Variants in TSPAN8 observed in about 807,000 individuals in gnomAD.
The protein encoded by TSPAN8 is tetraspanin-8.
In TSPAN8, 21 loss-of-function variants were observed where a neutral mutation model predicts 32.8. That is an observed-to-expected ratio of 0.64 (90% CI 0.45 to 0.92). The LOEUF (loss-of-function observed/expected upper bound fraction) is 0.92, where lower values mean the gene tolerates loss of function less well. Among genes scored for constraint, TSPAN8 ranks in the 40% least tolerant of loss-of-function variants. TSPAN8 has a pLI of 0.00. For missense variants in TSPAN8, 269 were observed against 281.9 expected (o/e 0.95, Z 0.33); for synonymous variants, 95 against 94.6 (o/e 1.00, Z -0.03).
At position 71,144,957 on chromosome 12, in the gene TSPAN8, TA is replaced by T. The variant is rs537190954; in HGVS notation, c.61-745del. Among the ~76,000 whole-genome samples, 35 of 148,926 alleles carry T rather than the reference TA, an allele frequency of 2.4e-4. 1 individual carries two copies. The Middle Eastern group carries it at 0.01, about 44-fold the overall frequency. ...AGGAAAACTCTTGTCATTCAGGGTT[TA>T]AAAAAAAAAGTTATGCATTGTGGCT... is the stretch of plus-strand genomic sequence containing the variant. On this transcript the variant is annotated intron_variant, in intron 2 of 8. Coordinates refer to ENST00000247829, the MANE Select transcript of TSPAN8 (RefSeq NM_004616.3).
intron 3 of TSPAN8, among the ~76,000 whole-genome samples, chr12:71,143,288 A>G (rs948717910): frequency 6.6e-6 from 1 of 152,178 alleles, no homozygotes; most frequent in Non-Finnish European, 1.5e-5. Flanking sequence ...AAATGGTGCC[A>G]GGGTGGTATT....
chr12:71,138,770 C>T, intron 4 of TSPAN8, among the ~76,000 whole-genome samples: 1 of 152,188 alleles, frequency 6.6e-6, no homozygotes, highest in South Asian at 2.1e-4. Flanking sequence ...CAAATGAGGC[C>T]TTATTGTTCA....
intron 6 of TSPAN8, among the ~76,000 whole-genome samples, chr12:71,134,661 T>C (rs557218231): frequency 6.6e-6 from 1 of 152,324 alleles, no homozygotes; most frequent in South Asian, 2.1e-4. Flanking sequence ...GATTACATAA[T>C]CTTGAGTAGT....
rs2137047872 is a variant in TSPAN8, at chr12:71,132,766, T to G, written c.503A>C (p.Tyr168Ser). The G allele has an allele frequency of 1.2e-6, 2 of 1,613,996 alleles. No individual in the cohort carries two copies. Among genetic ancestry groups the G allele is most frequent in the Non-Finnish European group, 1.7e-6 (2 of 1,179,966 alleles). Residue 168 changes from tyrosine (Y) to serine (S), a missense_variant, in exon 7 of 9, where the codon TAT (tyrosine) becomes TCT (serine). Tyr to Ser is a moderately radical substitution (Grantham distance 144). Coordinates refer to ENST00000247829, the MANE Select transcript of TSPAN8 (RefSeq NM_004616.3). The stretch of plus-strand genomic sequence containing the variant: ...ATCTAGACAGGCACATAATTCAGGA[T>G]AGTGTTGAAAATTATTTCCCCAATC... ...AADWGNNFQHYPELCACLDKQ... is the reference protein window; with the variant it reads ...AADWGNNFQHSPELCACLDKQ...
rs541516226 is a variant in TSPAN8 at position 71,127,677 on chromosome 12, A to C, written c.660+1654T>G. Among the ~76,000 whole-genome samples, 18 of 152,344 alleles carry C rather than the reference A, an allele frequency of 1.2e-4. No homozygotes were observed. In the East Asian group the frequency reaches 2.1e-3, roughly 18 times the overall value. On this transcript the variant is annotated intron_variant, in intron 8 of 8. Transcript: ENST00000247829. ...TACATGGAATATAACAATTTCATAA[A>C]ATACTGAAATACATTAATCTTTTTG...
At chr12:71,151,498 T>A (rs1175734093) in intron 2 of TSPAN8, among the ~76,000 whole-genome samples, 2 of 152,246 alleles carry the variant, frequency 1.3e-5, no homozygotes, top group Admixed American at 1.3e-4. Flanking sequence ...ACTAAAAGCC[T>A]ACATTCAAAA....
chr12:71,132,920 G>A, intron 6 of TSPAN8, 96 bp from the exon 7 acceptor site: 3 of 1,400,268 alleles, frequency 2.1e-6, no homozygotes, highest in African/African-American at 1.5e-5. Context: ...ATTATTAAAG[G>A]TTATTATGCT....
intron 6 of TSPAN8, among the ~76,000 whole-genome samples, chr12:71,137,707 T>C (rs1252801285): frequency 2.0e-5 from 3 of 152,212 alleles, no homozygotes; most frequent in Non-Finnish European, 4.4e-5. Context: ...TTTGACTCAT[T>C]CGAGGCTTAA....
At chr12:71,148,050 T>A (rs925568683) in intron 2 of TSPAN8, among the ~76,000 whole-genome samples, 1 of 152,188 alleles carries the variant, frequency 6.6e-6, no homozygotes, top group Non-Finnish European at 1.5e-5. Flanking sequence ...TGTTACTAAA[T>A]TGCTATTTTC....
chr12:71,139,451 AG>A (rs1871823592), intron 4 of TSPAN8, among the ~76,000 whole-genome samples: 1 of 152,276 alleles, frequency 6.6e-6, no homozygotes, highest in Non-Finnish European at 1.5e-5. Flanking sequence ...TGACACATAG[AG>A]GTATGGCAGT....
intron 2 of TSPAN8, among the ~76,000 whole-genome samples, chr12:71,150,344 C>T (rs186982874): frequency 2.4e-4 from 37 of 152,280 alleles, no homozygotes; most frequent in Non-Finnish European, 4.1e-4. Context: ...TTTCTGATTT[C>T]GTCCTTGTCC....
intron 2 of TSPAN8, 182 bp downstream of exon 2, chr12:71,157,437 C>T: frequency 7.7e-6 from 4 of 520,872 alleles, no homozygotes; most frequent in South Asian, 3.3e-5. Flanking sequence ...TTTTTGAGTC[C>T]TTGGCTCATT....
chr12:71,145,329 T>C (rs1381426283), intron 2 of TSPAN8, among the ~76,000 whole-genome samples: 2 of 152,126 alleles, frequency 1.3e-5, no homozygotes, highest in Non-Finnish European at 2.9e-5. Context: ...TCATTTTGAA[T>C]GGAGAAATTG....
In TSPAN8 at chr12:71,139,786, T is replaced by C. The variant is rs776351990; in HGVS notation, c.186A>G (p.Val62=). 6 of 1,613,952 alleles carry C rather than the reference T, an allele frequency of 3.7e-6. No homozygotes were observed. The African/African-American group carries it at 8.0e-5, about 22-fold the overall frequency. ...SYVAVDILIA[V]GAIIMILGFL... ...AGCCCAGAATCATGATGATGGCACC[T>C]ACAGCAATCAATATGTCCACAGCAA... Residue 62 remains valine, a synonymous_variant, in exon 4 of 9, where the codon GTA becomes GTG. Transcript: ENST00000247829.
chr12:71,147,594 A>G (rs1872117089), intron 2 of TSPAN8, among the ~76,000 whole-genome samples: 1 of 152,214 alleles, frequency 6.6e-6, no homozygotes, highest in Admixed American at 6.5e-5. Flanking sequence ...GAAAGCCCTA[A>G]CATACTAGGA....
chr12:71,128,243 T>C (rs1339526447), intron 8 of TSPAN8, among the ~76,000 whole-genome samples: 2 of 152,216 alleles, frequency 1.3e-5, no homozygotes, highest in African/African-American at 4.8e-5. Context: ...TAATAGTCCC[T>C]AACCTTTCTC....
chr12:71,129,251 T>C (rs935004112), intron 8 of TSPAN8, 80 bp downstream of exon 8: 2 of 1,369,978 alleles, frequency 1.5e-6, no homozygotes, highest in African/African-American at 3.0e-5. Context: ...TTTCTGTTTG[T>C]TTGTTCACCA....
intron 7 of TSPAN8, 98 bp downstream of exon 7, chr12:71,132,595 C>T (rs1319341313): frequency 4.1e-5 from 55 of 1,326,008 alleles, no homozygotes; most frequent in South Asian, 7.4e-5. Context: ...ATCATGATTC[C>T]CATGGTACTC....
intron 6 of TSPAN8, 129 bp downstream of exon 6, chr12:71,137,824 G>A (rs1871752736): frequency 1.3e-6 from 1 of 758,352 alleles, no homozygotes; most frequent in Non-Finnish European, 2.1e-6. Context: ...TTATTGCATG[G>A]TGACAGAATA....
Sources: gnomAD v4.1 joint callset for allele counts (sites outside exome capture counted in the v4.1 genomes callset) on GRCh38, gnomAD v4.1.1 for gene constraint, MANE v1.5 for transcripts, NCBI Gene and HGNC (gene_info 2026-07-23, HGNC 2026-07-21) for gene names.